Variants in ZFPM2 observed in about 807,000 individuals in gnomAD.
ZFPM2 encodes the protein zinc finger protein, FOG family member 2, also known as zinc finger protein ZFPM2.
Under a neutral mutation model 98.6 loss-of-function variants are expected in ZFPM2, and 20 were observed. That is an observed-to-expected ratio of 0.20 (90% CI 0.14 to 0.29). The LOEUF (loss-of-function observed/expected upper bound fraction) is 0.29, where lower values mean the gene tolerates loss of function less well. ZFPM2 is among the 10% of genes least tolerant of loss of function. The pLI is 1.00. For missense variants in ZFPM2, 1,310 were observed against 1,388.6 expected (o/e 0.94, Z 0.90); for synonymous variants, 518 against 502.7 (o/e 1.03, Z -0.41).
At chr8:105,554,638 C>T (rs1394135221) in intron 3 of ZFPM2, among the ~76,000 whole-genome samples, 2 of 152,112 alleles carry the variant, frequency 1.3e-5, no homozygotes, top group African/African-American at 2.4e-5. Flanking sequence ...ATATTTAAAA[C>T]CAAGTTCAAA....
intron 6 of ZFPM2, among the ~76,000 whole-genome samples, chr8:105,792,989 G>C (rs1813668937): frequency 1.3e-5 from 2 of 152,276 alleles, no homozygotes; most frequent in South Asian, 4.1e-4. Context: ...CTCTGCATGT[G>C]AGATGGGTTT....
At chr8:105,749,517 G>A (rs967927309) in intron 5 of ZFPM2, among the ~76,000 whole-genome samples, 2 of 152,006 alleles carry the variant, frequency 1.3e-5, no homozygotes, top group Non-Finnish European at 2.9e-5. Flanking sequence ...GTAGCCCCTT[G>A]CGTACTTTGC....
chr8:105,607,695 TTCC>T (rs1391427893), intron 4 of ZFPM2, among the ~76,000 whole-genome samples: 4 of 152,058 alleles, frequency 2.6e-5, no homozygotes, highest in African/African-American at 9.7e-5. Context: ...ACTCCACTCT[TTCC>T]CAGTTAAGCC....
intron 3 of ZFPM2, among the ~76,000 whole-genome samples, chr8:105,516,457 A>G (rs1813923470): frequency 6.6e-6 from 1 of 152,170 alleles, no homozygotes; most frequent in African/African-American, 2.4e-5. Flanking sequence ...TTTGAAAATT[A>G]TGTTCTTATC....
At chr8:105,543,644 A>C (rs1265312443) in intron 3 of ZFPM2, among the ~76,000 whole-genome samples, 1 of 152,102 alleles carries the variant, frequency 6.6e-6, no homozygotes, top group Non-Finnish European at 1.5e-5. Flanking sequence ...CTTTTCTTTC[A>C]TTTATTACTT....
At chr8:105,612,730 G>A (rs1375960) in intron 4 of ZFPM2, among the ~76,000 whole-genome samples, 15,236 of 152,200 alleles carry the variant, frequency 0.1, 1,010 homozygotes, top group Middle Eastern at 0.21. Context: ...GAACTTTTCT[G>A]TCTCCCTTGC....
chr8:105,693,980 CTTTTTTTTTTTTTT>C (rs376834507), intron 5 of ZFPM2, among the ~76,000 whole-genome samples: 43 of 118,416 alleles, frequency 3.6e-4, no homozygotes, highest in Admixed American at 2.9e-3. Context: ...TTTTTCTTTT[CTTTTTTTTTTTTTT>C]TTTTTTTTGA....
intron 5 of ZFPM2, chr8:105,662,526 T>TC (rs1221511229): frequency 2.0e-5 from 3 of 151,904 alleles, no homozygotes; most frequent in Admixed American, 2.0e-4. Flanking sequence ...CCTTTTTTTT[T>TC]CTCCTTCTTT....
chr8:105,494,221 A>ATATATATATATG (rs1813415720), intron 3 of ZFPM2, among the ~76,000 whole-genome samples: 1 of 129,912 alleles, frequency 7.7e-6, no homozygotes, highest in South Asian at 2.4e-4. Context: ...ATATATATAT[A>ATATATATATATG]TATATAATCT....
At chr8:105,479,429 T>C (rs1813072991) in intron 3 of ZFPM2, among the ~76,000 whole-genome samples, 1 of 152,230 alleles carries the variant, frequency 6.6e-6, no homozygotes, top group Admixed American at 6.5e-5. Context: ...TACTCCTTTC[T>C]GGCTTCTGAT....
At chr8:105,343,724 T>G (rs1309133759) in intron 1 of ZFPM2, among the ~76,000 whole-genome samples, 1 of 152,092 alleles carries the variant, frequency 6.6e-6, no homozygotes, top group African/African-American at 2.4e-5. Context: ...ATTTATTATT[T>G]AGTAGATCCT....
At chr8:105,690,583 G>T (rs1810854667) in intron 5 of ZFPM2, among the ~76,000 whole-genome samples, 1 of 152,080 alleles carries the variant, frequency 6.6e-6, no homozygotes, top group Admixed American at 6.6e-5. Context: ...TTCTCCTTTG[G>T]TGGCAGCTCA....
intron 5 of ZFPM2, among the ~76,000 whole-genome samples, chr8:105,706,665 C>T (rs1355900122): frequency 3.3e-5 from 5 of 151,992 alleles, no homozygotes; most frequent in East Asian, 3.9e-4. Flanking sequence ...CTGCAACCTC[C>T]GCCTCCCAGG....
At chr8:105,382,433 AG>A (rs1810906785) in intron 1 of ZFPM2, among the ~76,000 whole-genome samples, 1 of 152,078 alleles carries the variant, frequency 6.6e-6, no homozygotes, top group Non-Finnish European at 1.5e-5. Flanking sequence ...AAACTATAGA[AG>A]TTTTTTTATT....
At chr8:105,768,822 T>TACACAC (rs113463842) in intron 5 of ZFPM2, among the ~76,000 whole-genome samples, 4 of 150,094 alleles carry the variant, frequency 2.7e-5, no homozygotes, top group East Asian at 2.0e-4. Flanking sequence ...AACAAATACA[T>TACACAC]ACACACACAC....
At chr8:105,320,320 TC>T (rs1275247011) in intron 1 of ZFPM2, among the ~76,000 whole-genome samples, 3 of 151,476 alleles carry the variant, frequency 2.0e-5, no homozygotes, top group Non-Finnish European at 4.4e-5. Flanking sequence ...AACATGACTT[TC>T]TAGCTTTTAT....
At chr8:105,736,894 TTCTC>T (rs1812085662) in intron 5 of ZFPM2, among the ~76,000 whole-genome samples, 1 of 152,066 alleles carries the variant, frequency 6.6e-6, no homozygotes, top group Admixed American at 6.6e-5. Flanking sequence ...AAATATCAGT[TTCTC>T]TTCATATTGA....
chr8:105,718,897 A>C (rs1811589218), intron 5 of ZFPM2, among the ~76,000 whole-genome samples: 1 of 152,042 alleles, frequency 6.6e-6, no homozygotes, highest in Middle Eastern at 3.4e-3. Flanking sequence ...ACTTTATGTT[A>C]CAAATGAGAC....
At chr8:105,778,705 T>A (rs1036613957) in intron 5 of ZFPM2, among the ~76,000 whole-genome samples, 1 of 152,190 alleles carries the variant, frequency 6.6e-6, no homozygotes, top group Non-Finnish European at 1.5e-5. Context: ...TGCAGAAATA[T>A]CAGTCTACAT....
Sources: allele counts gnomAD v4.1 joint callset (sites outside exome capture counted in the v4.1 genomes callset), GRCh38; gene constraint gnomAD v4.1.1; transcripts MANE v1.5; gene names NCBI Gene and HGNC (gene_info 2026-07-23, HGNC 2026-07-21).